CREBRF: variants seen among roughly 807,000 people sequenced by gnomAD.
CREBRF encodes CREB3 regulatory factor.
In CREBRF, 5 loss-of-function variants were observed where a neutral mutation model predicts 66.1. The ratio of observed to expected loss-of-function variants is 0.08; its 90% CI spans 0.04 to 0.16. The LOEUF (loss-of-function observed/expected upper bound fraction) is 0.16. Ranked by LOEUF, CREBRF falls within the 10% of genes least tolerant of loss-of-function variation. The pLI, the probability that CREBRF is intolerant of heterozygous loss-of-function variation, is 1.00. For missense variants in CREBRF, 531 were observed against 744.9 expected, an observed-to-expected ratio of 0.71 and a Z score of 3.34; for synonymous variants, 229 against 264.4, an observed-to-expected ratio of 0.87 and a Z score of 1.30.
In CREBRF at chr5:173,056,375, C is replaced by T. The variant is rs565725096; in HGVS notation, c.-296C>T. 1 of 398,144 alleles carries T rather than the reference C, an allele frequency of 2.5e-6. No homozygotes were observed. The highest frequency in any genetic ancestry group is 4.4e-6 in the Non-Finnish European group (1 of 225,706). The allele number at this position is 398,144 out of a possible 1,614,324, so 24.7% of individuals were successfully genotyped here. A position where few individuals can be genotyped will look rare whatever the true frequency, so the allele number is the denominator to read the frequency against. On this transcript the variant is annotated 5_prime_UTR_variant, in exon 1 of 9. Coordinates refer to ENST00000296953, the MANE Select transcript of CREBRF (RefSeq NM_153607.3). ...GCGAGTCACGCGATTTCCGGGAACC[C>T]GTCAGGAAGGACATAAACAAAACAA...
In CREBRF at chr5:173,134,460, C is replaced by T. The variant is rs749758207; in HGVS notation, c.*715C>T. 2 of 227,292 alleles carry T rather than the reference C, an allele frequency of 8.8e-6. No individual in the cohort carries two copies. The highest frequency in any genetic ancestry group is 9.9e-5 in the South Asian group (2 of 20,102). 14.1% of individuals were successfully genotyped at this position (227,292 alleles called of 1,614,324 possible). On this transcript the variant is annotated 3_prime_UTR_variant, in exon 9 of 9. Transcript: ENST00000296953. ...TATGGGGTTTAAATGTTTTTTTGTTCCAACTCTTTTTCAGATTTTTTGAAT... is the reference window on the plus strand; with the variant it reads ...TATGGGGTTTAAATGTTTTTTTGTTTCAACTCTTTTTCAGATTTTTTGAAT...
intron 7 of CREBRF, among the ~76,000 whole-genome samples, chr5:173,114,222 T>C (rs933397696): frequency 2.6e-5 from 4 of 152,224 alleles, no homozygotes; most frequent in African/African-American, 7.2e-5. Flanking sequence ...AAAATAATTG[T>C]TGGTGTGTTG....
intron 7 of CREBRF, among the ~76,000 whole-genome samples, chr5:173,118,267 C>T (rs1759056992): frequency 1.3e-5 from 2 of 152,312 alleles, no homozygotes; most frequent in South Asian, 4.1e-4. Flanking sequence ...GCCTCGGCCT[C>T]CCAAAGTGCT....
chr5:173,131,706 AC>A (rs1759428646), intron 8 of CREBRF, among the ~76,000 whole-genome samples: 1 of 61,106 alleles, frequency 1.6e-5, no homozygotes, highest in Non-Finnish European at 4.5e-5. Flanking sequence ...ACACACACAC[AC>A]ACACACACAC....
At position 173,110,586 on chromosome 5, in the gene CREBRF, A is replaced by G. The variant is rs1318245790; in HGVS notation, c.1482A>G (p.Lys494=). ...DVEDLTPNPK[K]LLQIGNELRK... ...AAGACCTGACTCCAAATCCTAAAAA[A>G]CTCCTCCAGATAGGCAATGAACTTC... is the stretch of plus-strand genomic sequence containing the variant. Residue 494 remains lysine (K), a synonymous_variant, in exon 6 of 9, where the codon AAA becomes AAG. Coordinates refer to ENST00000296953, the MANE Select transcript of CREBRF (RefSeq NM_153607.3). 1 of 1,613,518 alleles carries G rather than the reference A, an allele frequency of 6.2e-7. No homozygotes were observed. The highest frequency in any genetic ancestry group is 8.5e-7 in the Non-Finnish European group (1 of 1,179,836).
intron 2 of CREBRF, 102 bp downstream of exon 2, chr5:173,080,886 T>G: frequency 2.8e-6 from 3 of 1,086,818 alleles, no homozygotes; most frequent in Admixed American, 4.2e-5. Flanking sequence ...GCATACTACC[T>G]TTTTGTGATA....
At chr5:173,067,560 ATT>A (rs1219437389) in intron 1 of CREBRF, among the ~76,000 whole-genome samples, 1 of 152,192 alleles carries the variant, frequency 6.6e-6, no homozygotes, top group Admixed American at 6.5e-5. Flanking sequence ...CAGACATCAA[ATT>A]TTATATGAAA....
At chr5:173,064,107 A>G (rs559487726) in intron 1 of CREBRF, among the ~76,000 whole-genome samples, 106 of 151,946 alleles carry the variant, frequency 7.0e-4, no homozygotes, top group African/African-American at 2.5e-3. Flanking sequence ...CTTGTTGTAC[A>G]TATGTTTTCT....
In CREBRF at chr5:173,110,296, T is replaced by G; in HGVS notation, c.1418-226T>G. The G allele has an allele frequency of 4.8e-6, 3 of 626,096 alleles. No homozygotes were observed. The Admixed American group carries it at 6.6e-5, about 14-fold the overall frequency. The allele number at this position is 626,096 out of a possible 1,614,324, so 38.8% of individuals were successfully genotyped here. ...AGGGTAGGGAAGAACTTGGAAAAAGTTAGAACTCTGCCATATCACCCCCAT... is the reference window on the plus strand; with the variant it reads ...AGGGTAGGGAAGAACTTGGAAAAAGGTAGAACTCTGCCATATCACCCCCAT... On this transcript the variant is annotated intron_variant, in intron 5 of 8. Coordinates refer to ENST00000296953, the MANE Select transcript of CREBRF (RefSeq NM_153607.3).
chr5:173,091,247 AGAT>A lies in CREBRF; in HGVS notation c.1071_1073del (p.Asp357del), dbSNP rs775203061. The A allele has an allele frequency of 1.2e-4, 191 of 1,614,164 alleles. 3 individuals are homozygous for A. The South Asian group carries it at 1.9e-3, about 16-fold the overall frequency. ...AGCCAACTAAATGCAGTCCTGAAGA[AGAT>A]GAGGAGGACGAGGAGGATGTTGATG... is the stretch of plus-strand genomic sequence containing the variant. On this transcript the variant is annotated inframe_deletion, in exon 4 of 9. Transcript: ENST00000296953.
At chr5:173,115,347 T>C (rs2113780755) in intron 7 of CREBRF, among the ~76,000 whole-genome samples, 1 of 152,294 alleles carries the variant, frequency 6.6e-6, no homozygotes, top group Middle Eastern at 3.4e-3. Context: ...CCTCAGGTAA[T>C]CTGCCTGCCT....
chr5:173,060,723 CTTT>C (rs756443330), intron 1 of CREBRF, among the ~76,000 whole-genome samples: 1 of 135,802 alleles, frequency 7.4e-6, no homozygotes, highest in Non-Finnish European at 1.6e-5. Flanking sequence ...GGTTGACAGA[CTTT>C]TTTTTTTTTT....
chr5:173,079,370 G>C (rs867377647), intron 1 of CREBRF, among the ~76,000 whole-genome samples: 1 of 151,600 alleles, frequency 6.6e-6, no homozygotes, highest in Admixed American at 6.6e-5. Context: ...GGCTGAGGCA[G>C]GAGAATCACT....
intron 4 of CREBRF, among the ~76,000 whole-genome samples, chr5:173,097,852 GT>G (rs1175272449): frequency 6.6e-6 from 1 of 151,706 alleles, no homozygotes; most frequent in South Asian, 2.1e-4. Context: ...CTTTTCTATT[GT>G]TTTTTAGTGT....
At chr5:173,108,087 C>T (rs956632716) in intron 4 of CREBRF, among the ~76,000 whole-genome samples, 12 of 151,750 alleles carry the variant, frequency 7.9e-5, no homozygotes, top group Non-Finnish European at 1.5e-4. Context: ...CTATCTCAGC[C>T]TCCCAAAGTG....
chr5:173,117,250 A>T (rs1168788580), intron 7 of CREBRF, among the ~76,000 whole-genome samples: 1 of 151,690 alleles, frequency 6.6e-6, no homozygotes, highest in Admixed American at 6.6e-5. Flanking sequence ...CTTGGTGGTG[A>T]GCACCTGTAA....
At chr5:173,068,984 AT>A (rs1269690504) in intron 1 of CREBRF, among the ~76,000 whole-genome samples, 1 of 151,978 alleles carries the variant, frequency 6.6e-6, no homozygotes, top group Admixed American at 6.6e-5. Context: ...AGGCAGGAGA[AT>A]TGCTTGAACC....
In CREBRF at chr5:173,080,741, G is replaced by A; in HGVS notation, c.-35G>A. On this transcript the variant is annotated 5_prime_UTR_variant, in exon 2 of 9. Transcript: ENST00000296953. ...AATTTACAAACAAGAAAAAAAAGAA[G>A]TTTGGAATCGGATTCACAGGATCTG... 1 of 1,610,406 alleles carries A rather than the reference G, an allele frequency of 6.2e-7. No individual in the cohort carries two copies. Among genetic ancestry groups the A allele is most frequent in the Non-Finnish European group, 8.5e-7 (1 of 1,177,888 alleles).
At chr5:173,104,605 G>A (rs1047764403) in intron 4 of CREBRF, among the ~76,000 whole-genome samples, 4 of 151,984 alleles carry the variant, frequency 2.6e-5, no homozygotes, top group Non-Finnish European at 4.4e-5. Flanking sequence ...GCTTGAGCCG[G>A]GGAGGTCGAG....
Sources: allele counts gnomAD v4.1 joint callset (sites outside exome capture counted in the v4.1 genomes callset), GRCh38; gene constraint gnomAD v4.1.1; transcripts MANE v1.5; gene names NCBI Gene and HGNC (gene_info 2026-07-23, HGNC 2026-07-21).